The following SCARA3 variants were observed in gnomAD, a reference collection of about 807,000 sequenced individuals.
SCARA3 encodes cellular stress response gene protein.
Under a neutral mutation model 47.0 loss-of-function variants are expected in SCARA3, and 39 were observed. The ratio of observed to expected loss-of-function variants is 0.83; its 90% CI spans 0.64 to 1.08. The LOEUF is 1.08. Ranked by LOEUF, SCARA3 falls within the 50% of genes least tolerant of loss-of-function variation. The pLI, the probability that SCARA3 is intolerant of heterozygous loss-of-function variation, is 0.00. For missense variants in SCARA3, 724 were observed against 792.3 expected (o/e 0.91, Z 1.04); for synonymous variants, 356 against 334.1 (o/e 1.07, Z -0.71).
the SCARA3 span, among the ~76,000 whole-genome samples, chr8:27,722,354 C>T: frequency 6.6e-6 from 1 of 152,154 alleles, no homozygotes; most frequent in South Asian, 2.1e-4. Context: ...CATGAAGACA[C>T]AGGCAGCCTT....
chr8:27,659,768 T>G (rs1801851356), intron 5 of SCARA3, among the ~76,000 whole-genome samples: 1 of 145,452 alleles, frequency 6.9e-6, no homozygotes, highest in South Asian at 2.2e-4. Flanking sequence ...AAGGATCACT[T>G]GAGCCCAGGA....
chr8:27,645,302 T>C (rs1252186066), intron 1 of SCARA3, among the ~76,000 whole-genome samples: 1 of 152,230 alleles, frequency 6.6e-6, no homozygotes, highest in Non-Finnish European at 1.5e-5. Flanking sequence ...ACTGAAGACA[T>C]AGGCCTTCGC....
chr8:27,637,069 G>A (rs969476158), intron 1 of SCARA3, among the ~76,000 whole-genome samples: 1 of 152,262 alleles, frequency 6.6e-6, no homozygotes, highest in Non-Finnish European at 1.5e-5. Flanking sequence ...GTGATGTGAT[G>A]TGATGTTGTA....
At chr8:27,699,186 G>A in the SCARA3 span, among the ~76,000 whole-genome samples, 1 of 151,648 alleles carries the variant, frequency 6.6e-6, no homozygotes, top group Non-Finnish European at 1.5e-5. Context: ...GGAGCTTGCA[G>A]TGAGCCGAGA....
intron 5 of SCARA3, among the ~76,000 whole-genome samples, chr8:27,667,465 C>T (rs545868669): frequency 1.4e-3 from 208 of 152,312 alleles, no homozygotes; most frequent in African/African-American, 4.9e-3. Flanking sequence ...CCTCTCCCTC[C>T]TCCAGGCAGT....
chr8:27,672,341 T>TGGGCCTGAGTGGAGATGGGAGACAGAGGC lies in SCARA3; in HGVS notation c.*991_*1019dup, dbSNP rs1802186127. On this transcript the variant is annotated 3_prime_UTR_variant, in exon 6 of 6. Transcript: ENST00000301904. ...GGGCACTCTGCAGGCCCTGGAACAT[T>TGGGCCTGAGTGGAGATGGGAGACAGAGGC]GGGCCTGAGTGGAGATGGGAGACAG... The TGGGCCTGAGTGGAGATGGGAGACAGAGGC allele has an allele frequency of 1.0e-6, 1 of 985,304 alleles. No homozygotes were observed. Among genetic ancestry groups the TGGGCCTGAGTGGAGATGGGAGACAGAGGC allele is most frequent in the Admixed American group, 6.1e-5 (1 of 16,274 alleles). The allele number at this position is 985,304 out of a possible 1,614,324, so 61.0% of individuals were successfully genotyped here. A position where few individuals can be genotyped will look rare whatever the true frequency, so the allele number is the denominator to read the frequency against.
At chr8:27,678,196 A>G (rs1191804815), downstream of SCARA3, among the ~76,000 whole-genome samples, 1 of 152,222 alleles carries the variant, frequency 6.6e-6, no homozygotes, top group Non-Finnish European at 1.5e-5. Flanking sequence ...AATAAAGATA[A>G]GAATTTAAAG....
At chr8:27,694,865 G>T in the SCARA3 span, among the ~76,000 whole-genome samples, 3 of 152,084 alleles carry the variant, frequency 2.0e-5, no homozygotes, top group Non-Finnish European at 2.9e-5. Flanking sequence ...CAGAGTTTGG[G>T]GCAGCTGAAG....
chr8:27,650,661 G>A (rs920198156), intron 2 of SCARA3, among the ~76,000 whole-genome samples: 10 of 152,178 alleles, frequency 6.6e-5, no homozygotes, highest in South Asian at 4.1e-4. Flanking sequence ...TTAGGAATTC[G>A]CAGCTGGGCC....
the SCARA3 span, among the ~76,000 whole-genome samples, chr8:27,726,706 A>G: frequency 6.6e-6 from 1 of 152,162 alleles, no homozygotes; most frequent in African/African-American, 2.4e-5. Flanking sequence ...GTCTCAAAAA[A>G]AATAAAAAAT....
the SCARA3 span, among the ~76,000 whole-genome samples, chr8:27,699,235 C>A: frequency 2.7e-5 from 4 of 150,718 alleles, no homozygotes; most frequent in South Asian, 8.5e-4. Flanking sequence ...CAGAGCAAGA[C>A]TCCGTCTCAA....
At chr8:27,684,678 A>AG in the SCARA3 span, among the ~76,000 whole-genome samples, 2 of 143,908 alleles carry the variant, frequency 1.4e-5, no homozygotes, top group African/African-American at 2.5e-5. Context: ...AAAAAAAAAA[A>AG]GGAAAAGGAA....
chr8:27,704,033 G>T, the SCARA3 span, among the ~76,000 whole-genome samples: 1 of 151,860 alleles, frequency 6.6e-6, no homozygotes, highest in Non-Finnish European at 1.5e-5. Flanking sequence ...GGGAGAGAGG[G>T]CAAGGAAGAG....
Position 27,671,466 on chromosome 8 carries a change from G to A in SCARA3, c.*115G>A, listed in dbSNP as rs1035922195. ...GTGGTCCTCTGATTCCAATGAGGGG[G>A]CTCCCCAGGGCTGACCCTGCAGCTT... On this transcript the variant is annotated 3_prime_UTR_variant, in exon 6 of 6. Transcript: ENST00000301904. 2.1e-5 allele frequency: 28 copies of A among 1,312,640 alleles called. No homozygotes were observed. The highest frequency in any genetic ancestry group is 2.5e-5 in the Non-Finnish European group (26 of 1,036,474). 81.3% of individuals were successfully genotyped at this position (1,312,640 alleles called of 1,614,324 possible). A position where few individuals can be genotyped will look rare whatever the true frequency, so the allele number is the denominator to read the frequency against.
At chr8:27,679,974 A>G (rs1363581887), downstream of SCARA3, 2 of 152,162 alleles carry the variant, frequency 1.3e-5, no homozygotes, top group African/African-American at 4.8e-5. Context: ...AAAAACCTCT[A>G]AATAACCATA....
chr8:27,720,872 C>T, the SCARA3 span, among the ~76,000 whole-genome samples: 1 of 152,032 alleles, frequency 6.6e-6, no homozygotes, highest in Admixed American at 6.6e-5. Flanking sequence ...ATCCACTCAC[C>T]CATCCATTCA....
chr8:27,707,172 T>A, the SCARA3 span, among the ~76,000 whole-genome samples: 1 of 152,176 alleles, frequency 6.6e-6, no homozygotes, highest in Non-Finnish European at 1.5e-5. Flanking sequence ...CTGATGGGCA[T>A]CTTTCCCTCA....
intron 5 of SCARA3, among the ~76,000 whole-genome samples, chr8:27,663,288 T>G (rs2128922134): frequency 6.6e-6 from 1 of 152,360 alleles, no homozygotes; most frequent in African/African-American, 2.4e-5. Flanking sequence ...CTACATGTCC[T>G]GCAGAACCAT....
chr8:27,661,610 T>C (rs112848084), intron 5 of SCARA3, among the ~76,000 whole-genome samples: 294 of 152,150 alleles, frequency 1.9e-3, no homozygotes, highest in Non-Finnish European at 3.5e-3. Flanking sequence ...CAGTAAAATA[T>C]AAGGAGGACA....
Sources: allele counts gnomAD v4.1 joint callset (sites outside exome capture counted in the v4.1 genomes callset), GRCh38; gene constraint gnomAD v4.1.1; transcripts MANE v1.5; gene names NCBI Gene and HGNC (gene_info 2026-07-23, HGNC 2026-07-21).